Variants in CHRM3 observed in about 807,000 individuals in gnomAD.
The protein encoded by CHRM3 is muscarinic acetylcholine receptor M3.
In CHRM3, 11 loss-of-function variants were observed where a neutral mutation model predicts 41.8. That is an observed-to-expected ratio of 0.26 (90% CI 0.17 to 0.44). CHRM3 has a LOEUF of 0.44. CHRM3 is among the 20% of genes least tolerant of loss of function. The pLI is 1.00. For missense variants in CHRM3, 571 were observed against 745.4 expected (o/e 0.77, Z 2.72); for synonymous variants, 297 against 301.4 (o/e 0.99, Z 0.15).
chr1:239,443,189 T>C (rs760595343), intron 1 of CHRM3, among the ~76,000 whole-genome samples: 13 of 152,226 alleles, frequency 8.5e-5, no homozygotes, highest in Non-Finnish European at 1.8e-4. Flanking sequence ...ACAATATTTG[T>C]CTTTGCTCAT....
chr1:239,559,269 T>A lies in CHRM3; in HGVS notation c.-313+13520T>A, dbSNP rs142975867. 2.2e-4 allele frequency among the ~76,000 whole-genome samples: 33 copies of A among 148,576 alleles called. No individual in the cohort carries two copies. In the East Asian group the frequency reaches 6.4e-3, roughly 29 times the overall value. ...AACCAGTTGATGCTGTGAGCCTGAG[T>A]CAGGATCATATTTCTTGGGTTCATC... is the stretch of plus-strand genomic sequence containing the variant. On this transcript the variant is annotated intron_variant, in intron 3 of 6. Transcript: ENST00000676153.
intron 4 of CHRM3, among the ~76,000 whole-genome samples, chr1:239,664,881 C>G (rs567967244): frequency 1.3e-5 from 2 of 152,206 alleles, no homozygotes; most frequent in East Asian, 3.9e-4. Flanking sequence ...CTCTTGATAG[C>G]GGCTTTGCCA....
chr1:239,399,219 T>C (rs553136054), intron 1 of CHRM3, among the ~76,000 whole-genome samples: 1 of 152,150 alleles, frequency 6.6e-6, no homozygotes, highest in Non-Finnish European at 1.5e-5. Context: ...TCTTTTTTCA[T>C]GTATAGTTGA....
chr1:239,805,848 A>G (rs557146020), intron 5 of CHRM3, among the ~76,000 whole-genome samples: 1 of 152,304 alleles, frequency 6.6e-6, no homozygotes, highest in African/African-American at 2.4e-5. Flanking sequence ...ATTATTATTA[A>G]CTGTACTAAC....
chr1:239,785,335 T>A (rs658842), intron 5 of CHRM3, among the ~76,000 whole-genome samples: 86,929 of 152,120 alleles, frequency 0.57, 26,631 homozygotes, highest in African/African-American at 0.8. Flanking sequence ...AAAACATTAT[T>A]AAACCCGGTT....
chr1:239,903,320 G>A (rs1254364929), intron 6 of CHRM3, among the ~76,000 whole-genome samples: 2 of 152,190 alleles, frequency 1.3e-5, no homozygotes, highest in Non-Finnish European at 2.9e-5. Flanking sequence ...CAAACATAAT[G>A]TGATTATCCA....
intron 5 of CHRM3, among the ~76,000 whole-genome samples, chr1:239,727,190 A>G (rs138767270): frequency 1.3e-5 from 2 of 152,090 alleles, no homozygotes; most frequent in African/African-American, 2.4e-5. Flanking sequence ...TCATGTTTCA[A>G]TGCAGTTCTT....
chr1:239,767,951 G>T (rs549101279), intron 5 of CHRM3, among the ~76,000 whole-genome samples: 8 of 152,082 alleles, frequency 5.3e-5, no homozygotes, highest in Non-Finnish European at 1.0e-4. Flanking sequence ...TTTATAACAA[G>T]CCCCGGGTGA....
chr1:239,604,974 A>C (rs1666060522), intron 3 of CHRM3, among the ~76,000 whole-genome samples: 1 of 152,152 alleles, frequency 6.6e-6, no homozygotes. Flanking sequence ...TTGCCATGCA[A>C]ACCTACAACT....
chr1:239,652,669 G>A (rs765099436), intron 4 of CHRM3, among the ~76,000 whole-genome samples: 1 of 150,560 alleles, frequency 6.6e-6, no homozygotes, highest in Non-Finnish European at 1.5e-5. Flanking sequence ...CTGCAGGCAC[G>A]GACTTGCAAA....
intron 5 of CHRM3, among the ~76,000 whole-genome samples, chr1:239,815,714 A>G (rs1310987156): frequency 6.6e-6 from 1 of 152,232 alleles, no homozygotes; most frequent in African/African-American, 2.4e-5. Flanking sequence ...TGATAGCTGA[A>G]CAATGAGCAG....
At chr1:239,597,261 C>A (rs1246952256) in intron 3 of CHRM3, among the ~76,000 whole-genome samples, 1 of 152,158 alleles carries the variant, frequency 6.6e-6, no homozygotes, top group Non-Finnish European at 1.5e-5. Context: ...GTTCTCTTTT[C>A]TCTAAGAATT....
intron 2 of CHRM3, among the ~76,000 whole-genome samples, chr1:239,524,514 A>T (rs901376560): frequency 2.0e-4 from 30 of 152,142 alleles, no homozygotes; most frequent in African/African-American, 6.8e-4. Flanking sequence ...ATATGCAACT[A>T]AAATTGGATA....
chr1:239,446,229 C>G (rs370629359), intron 1 of CHRM3, among the ~76,000 whole-genome samples: 5 of 152,294 alleles, frequency 3.3e-5, no homozygotes, highest in African/African-American at 1.2e-4. Context: ...GCCACCATGC[C>G]TGGCCAGTGT....
intron 6 of CHRM3, among the ~76,000 whole-genome samples, chr1:239,904,870 T>G (rs772410983): frequency 2.0e-5 from 3 of 152,176 alleles, no homozygotes; most frequent in Non-Finnish European, 4.4e-5. Context: ...TTTCAAAGAG[T>G]ACTAAGGTGA....
chr1:239,580,704 T>TACAC (rs1553332738), intron 3 of CHRM3, among the ~76,000 whole-genome samples: 40 of 130,974 alleles, frequency 3.1e-4, no homozygotes, highest in African/African-American at 7.5e-4. Context: ...TATATATATA[T>TACAC]ACACACACAC....
intron 5 of CHRM3, among the ~76,000 whole-genome samples, chr1:239,724,600 A>C (rs532977916): frequency 9.9e-5 from 15 of 152,084 alleles, no homozygotes; most frequent in Non-Finnish European, 1.9e-4. Flanking sequence ...TACATACAGC[A>C]CACTCAATAA....
At chr1:239,444,368 G>T (rs1476856074) in intron 1 of CHRM3, among the ~76,000 whole-genome samples, 2 of 152,138 alleles carry the variant, frequency 1.3e-5, no homozygotes, top group Non-Finnish European at 2.9e-5. Context: ...TTACAATATA[G>T]TAGGAGAAGC....
intron 5 of CHRM3, among the ~76,000 whole-genome samples, chr1:239,773,415 G>T (rs1253830436): frequency 6.6e-6 from 1 of 152,166 alleles, no homozygotes; most frequent in African/African-American, 2.4e-5. Flanking sequence ...GAAGAAGGTA[G>T]TTGCTGCTAT....
Sources: gnomAD v4.1 joint callset for allele counts (sites outside exome capture counted in the v4.1 genomes callset) on GRCh38, gnomAD v4.1.1 for gene constraint, MANE v1.5 for transcripts, NCBI Gene and HGNC (gene_info 2026-07-23, HGNC 2026-07-21) for gene names.